The following UBN2 variants were observed in gnomAD, a reference collection of about 807,000 sequenced individuals.
UBN2 encodes ubinuclein-2.
Under a neutral mutation model 120.2 loss-of-function variants are expected in UBN2, and 35 were observed. The ratio of observed to expected loss-of-function variants is 0.29; its 90% confidence interval spans 0.22 to 0.39. The LOEUF (loss-of-function observed/expected upper bound fraction) is 0.39. Ranked by LOEUF, UBN2 falls within the 10% of genes least tolerant of loss-of-function variation. The pLI is 1.00. For synonymous variants in UBN2, 661 were observed against 648.7 expected (o/e 1.02, Z -0.29); for missense variants, 1,693 against 1,663.2 (o/e 1.02, Z -0.31).
chr7:139,269,361 A>G (rs371225325), intron 7 of UBN2, 33 bp from the exon 8 acceptor site: 201 of 1,608,374 alleles, frequency 1.2e-4, no homozygotes, highest in East Asian at 1.2e-3. Context: ...AATAAATTCT[A>G]TACTGTTCAT....
intron 13 of UBN2, among the ~76,000 whole-genome samples, chr7:139,281,601 A>G (rs924694587): frequency 6.6e-6 from 1 of 152,192 alleles, no homozygotes; most frequent in African/African-American, 2.4e-5. Flanking sequence ...ACTCAGTTAT[A>G]TATCCTGAAC....
chr7:139,239,551 CTTT>C (rs774812960), intron 2 of UBN2, among the ~76,000 whole-genome samples: 2 of 94,578 alleles, frequency 2.1e-5, no homozygotes, highest in East Asian at 3.0e-4. Flanking sequence ...ATTAGAGTGT[CTTT>C]TTTTTTTTTT....
At chr7:139,281,978 T>A (rs764475723) in intron 13 of UBN2, 27 bp from the exon 14 acceptor site, 16 of 1,610,074 alleles carry the variant, frequency 9.9e-6, no homozygotes, top group Middle Eastern at 1.7e-4. Flanking sequence ...ACAGTATTCT[T>A]AACAGCTTGC....
chr7:139,231,839 C>G lies in UBN2; in HGVS notation c.355C>G (p.Pro119Ala). 4.6e-6 allele frequency: 7 copies of G among 1,533,138 alleles called. No individual in the cohort carries two copies. Among genetic ancestry groups the G allele is most frequent in the Non-Finnish European group, 6.1e-6 (7 of 1,147,082 alleles). 95.0% of individuals were successfully genotyped at this position (1,533,138 alleles called of 1,614,324 possible). A position where few individuals can be genotyped will look rare whatever the true frequency, so the allele number is the denominator to read the frequency against. ...GGAGTCGGCTTCCCGGGCTGAGCAG[C>G]CGCCGCGGCCGCCGAGGGAGACGGT... ...PRESASRAEQPPRPPRETVRL... is the reference protein window; with the variant it reads ...PRESASRAEQAPRPPRETVRL... The change falls in exon 1 of 18, where the codon CCG (proline) becomes GCG (alanine). Residue 119 changes from proline to alanine, a missense_variant. By Grantham distance (27) the Pro-to-Ala change is conservative. Around this residue, in one of 5 missense-constraint regions of UBN2, gnomAD observed 663 missense variants for 591.2 expected, o/e 1.12. Coordinates refer to ENST00000473989, the MANE Select transcript of UBN2 (RefSeq NM_173569.4).
At chr7:139,327,539 C>CA in the UBN2 span, among the ~76,000 whole-genome samples, 1 of 152,120 alleles carries the variant, frequency 6.6e-6, no homozygotes, top group South Asian at 2.1e-4. Flanking sequence ...AAAAGGGGCC[C>CA]AAACTCACTT....
At chr7:139,267,099 T>C (rs1291310161) in intron 7 of UBN2, among the ~76,000 whole-genome samples, 3 of 152,210 alleles carry the variant, frequency 2.0e-5, no homozygotes, top group Admixed American at 2.0e-4. Flanking sequence ...TTTTAACCAT[T>C]GTTTACAAGA....
chr7:139,308,700 G>A (rs1798405320), downstream of UBN2, among the ~76,000 whole-genome samples: 1 of 152,186 alleles, frequency 6.6e-6, no homozygotes, highest in South Asian at 2.1e-4. Context: ...TAGGGTATGT[G>A]TGTATTTGAT....
At chr7:139,257,847 G>A (rs896480784) in intron 3 of UBN2, among the ~76,000 whole-genome samples, 2 of 151,764 alleles carry the variant, frequency 1.3e-5, no homozygotes, top group African/African-American at 2.4e-5. Context: ...GTGCAATGAC[G>A]CAATCTTGGC....
chr7:139,316,077 C>CAAAAAAAAAAAAAAAAAAAAAAAAAAAA, the UBN2 span, among the ~76,000 whole-genome samples: 1 of 14,160 alleles, frequency 7.1e-5, no homozygotes. Context: ...GACTTCGTCT[C>CAAAAAAAAAAAAAAAAAAAAAAAAAAAA]AAAAAAAAAA....
the UBN2 span, among the ~76,000 whole-genome samples, chr7:139,313,993 C>T: frequency 6.6e-6 from 1 of 151,506 alleles, no homozygotes; most frequent in East Asian, 2.0e-4. Flanking sequence ...GGATTACAGG[C>T]GTGTGCCACC....
chr7:139,308,843 G>A (rs551674869), downstream of UBN2, among the ~76,000 whole-genome samples: 8 of 152,230 alleles, frequency 5.3e-5, no homozygotes, highest in East Asian at 1.4e-3. Context: ...AGGCAGAGGC[G>A]GGCGGATCAC....
At chr7:139,261,942 T>G (rs940445120) in intron 6 of UBN2, among the ~76,000 whole-genome samples, 3 of 149,252 alleles carry the variant, frequency 2.0e-5, no homozygotes, top group Non-Finnish European at 3.0e-5. Flanking sequence ...TTTTCTTTCT[T>G]TCTTTCTTTT....
At chr7:139,311,547 A>G (rs1798447023), downstream of UBN2, among the ~76,000 whole-genome samples, 1 of 152,200 alleles carries the variant, frequency 6.6e-6, no homozygotes, top group Non-Finnish European at 1.5e-5. Context: ...AGGCGGGTGT[A>G]TTGGTCGGAT....
intron 4 of UBN2, 136 bp from the exon 5 acceptor site, chr7:139,259,131 A>G (rs1796852279): frequency 7.5e-6 from 10 of 1,325,548 alleles, no homozygotes; most frequent in Non-Finnish European, 1.0e-5. Context: ...CTTGAACCCC[A>G]AGGATCTGCA....
downstream of UBN2, among the ~76,000 whole-genome samples, chr7:139,310,333 G>A (rs1798431128): frequency 1.3e-5 from 2 of 151,412 alleles, no homozygotes; most frequent in African/African-American, 4.9e-5. Context: ...GTTATATTTG[G>A]TAGGGGAAAA....
rs1238221659 is a variant in UBN2 at position 139,269,510 on chromosome 7, A to T, written c.1583A>T (p.His528Leu). Residue 528 changes from histidine (H) to leucine (L), a missense_variant, in exon 8 of 18, where the codon CAT becomes CTT. Around this residue, in one of 5 missense-constraint regions of UBN2, gnomAD observed 178 missense variants for 204.0 expected, o/e 0.87. Transcript: ENST00000473989. ...ETLVKRLKKL[H>L]LNVQDDRLRE... ...CTAGTAAAACGTCTGAAGAAGTTACATCTCAATGTCCAGGTAAGAGGAAGA... is the reference window on the plus strand; with the variant it reads ...CTAGTAAAACGTCTGAAGAAGTTACTTCTCAATGTCCAGGTAAGAGGAAGA... 1 of 1,613,992 alleles carries T rather than the reference A, an allele frequency of 6.2e-7. No homozygotes were observed. The highest frequency in any genetic ancestry group is 8.5e-7 in the Non-Finnish European group (1 of 1,180,006).
chr7:139,290,455 A>G (rs1447201390), intron 15 of UBN2, among the ~76,000 whole-genome samples: 1 of 152,206 alleles, frequency 6.6e-6, no homozygotes, highest in Admixed American at 6.5e-5. Flanking sequence ...GGTAAAAAAG[A>G]AAGAATGGGT....
rs139346429 is a variant in UBN2, at chr7:139,282,147, C to T, written c.2118+92C>T. On this transcript the variant is annotated intron_variant, in intron 14 of 17. Transcript: ENST00000473989. ...GAAACTAATTGAAGAGACTTTGATA[C>T]GACTTTTATGTAATAGGCTTTTGCT... 4,452 of 1,110,680 alleles carry T rather than the reference C, an allele frequency of 4.0e-3. 22 individuals carry two copies. The highest frequency in any genetic ancestry group is 4.8e-3 in the Non-Finnish European group (3,557 of 743,654). 68.8% of individuals were successfully genotyped at this position (1,110,680 alleles called of 1,614,324 possible).
At chr7:139,236,214 TG>T (rs1796159092) in intron 1 of UBN2, among the ~76,000 whole-genome samples, 2 of 152,230 alleles carry the variant, frequency 1.3e-5, no homozygotes, top group Admixed American at 1.3e-4. Flanking sequence ...TGTGTGTGTG[TG>T]TGTGTTAAAC....
Sources: allele counts gnomAD v4.1 joint callset (sites outside exome capture counted in the v4.1 genomes callset), GRCh38; gene constraint gnomAD v4.1.1; regional missense constraint gnomAD v4.1.1; transcripts MANE v1.5; gene names NCBI Gene and HGNC (gene_info 2026-07-23, HGNC 2026-07-21).